Variants in EPS15 observed in about 807,000 individuals in gnomAD.
EPS15 encodes epidermal growth factor receptor pathway substrate 15.
In EPS15, 72 loss-of-function variants were observed where a neutral mutation model predicts 113.8. The ratio of observed to expected loss-of-function variants is 0.63; its 90% confidence interval spans 0.52 to 0.77. The LOEUF (loss-of-function observed/expected upper bound fraction) is 0.77. Among genes scored for constraint, EPS15 ranks in the 30% least tolerant of loss-of-function variants. The probability of loss-of-function intolerance (pLI) is 0.00; values close to 1 mark genes in which losing one functional copy is unlikely to be tolerated. For synonymous variants in EPS15, 344 were observed against 363.4 expected (o/e 0.95, Z 0.61); for missense variants, 1,048 against 1,045.8 (o/e 1.00, Z -0.03).
intron 12 of EPS15, chr1:51,422,146 T>G: frequency 1.3e-6 from 1 of 744,154 alleles, no homozygotes. Context: ...GTTTCACTGA[T>G]GTCACTGTTG....
rs556383680 is a variant in EPS15 at position 51,423,715 on chromosome 1, T to C, written c.1041-1857A>G. The C allele has an allele frequency of 1.0e-5, 10 of 985,396 alleles. No homozygotes were observed. The Admixed American group carries it at 5.5e-4, about 54-fold the overall frequency. The allele number at this position is 985,396 out of a possible 1,614,324, so 61.0% of individuals were successfully genotyped here. A position where few individuals can be genotyped will look rare whatever the true frequency, so the allele number is the denominator to read the frequency against. On this transcript the variant is annotated intron_variant, in intron 12 of 24. Coordinates refer to ENST00000371733, the MANE Select transcript of EPS15 (RefSeq NM_001981.3). ...ACTGACAGTGTCTGCTCAGATCAAG[T>C]GTGCATGCAGGAAAACAGGGCTACA... is the stretch of plus-strand genomic sequence containing the variant.
intron 12 of EPS15, among the ~76,000 whole-genome samples, chr1:51,436,477 G>A (rs1652160590): frequency 6.6e-6 from 1 of 152,014 alleles, no homozygotes; most frequent in Non-Finnish European, 1.5e-5. Flanking sequence ...TAAACACTAG[G>A]GATACAAGCA....
At chr1:51,434,747 C>T (rs1232578976) in intron 12 of EPS15, among the ~76,000 whole-genome samples, 2 of 152,214 alleles carry the variant, frequency 1.3e-5, no homozygotes, top group African/African-American at 4.8e-5. Flanking sequence ...TCTCGGCTCA[C>T]CGTAACCTCC....
In EPS15 at chr1:51,458,978, C is replaced by T. The variant is rs1570351872; in HGVS notation, c.561+2113G>A. The stretch of plus-strand genomic sequence containing the variant: ...ACTGAGATAACTTTTGTCACCACCG[C>T]GAGGGAGTATCCTTTACCATTTCCC... On this transcript the variant is annotated intron_variant, in intron 8 of 24. Transcript: ENST00000371733. 2.6e-5 allele frequency: 4 copies of T among 153,328 alleles called. No homozygotes were observed. In the South Asian group the frequency reaches 5.9e-4, roughly 23 times the overall value. The allele number at this position is 153,328 out of a possible 1,614,324, so 9.5% of individuals were successfully genotyped here. A position where few individuals can be genotyped will look rare whatever the true frequency, so the allele number is the denominator to read the frequency against.
rs771240637 is a variant in EPS15, at chr1:51,445,023, A to G, written c.820T>C (p.Cys274Arg). Residue 274 changes from cysteine to arginine, a missense_variant, in exon 11 of 25, where the codon TGT (cysteine) becomes CGT (arginine). Transcript: ENST00000371733. Reference sequence around the variant, plus strand: ...AACTGATCCTTTGAAAGCTTCCCACAGTCCTTTGTGTCGCATAATGACCTG... The same window carrying G: ...AACTGATCCTTTGAAAGCTTCCCACGGTCCTTTGTGTCGCATAATGACCTG... ...HIWSLCDTKD[C>R]GKLSKDQFAL... The G allele has an allele frequency of 1.3e-5, 21 of 1,613,886 alleles. No homozygotes were observed. The East Asian group carries it at 3.1e-4, about 24-fold the overall frequency.
chr1:51,400,891 TA>T, intron 19 of EPS15, 26 bp downstream of exon 19: 2 of 1,501,946 alleles, frequency 1.3e-6, no homozygotes, highest in Non-Finnish European at 1.8e-6. Context: ...GAATGAAAGC[TA>T]AGATGAAACT....
intron 12 of EPS15, among the ~76,000 whole-genome samples, chr1:51,426,552 G>A (rs1651213283): frequency 6.6e-6 from 1 of 151,250 alleles, no homozygotes; most frequent in Non-Finnish European, 1.5e-5. Context: ...TTACTGTGAA[G>A]GTATTTTTTA....
At chr1:51,403,979 C>T (rs1236364873) in intron 16 of EPS15, among the ~76,000 whole-genome samples, 1 of 152,090 alleles carries the variant, frequency 6.6e-6, no homozygotes, top group Non-Finnish European at 1.5e-5. Flanking sequence ...TGATCGTGAC[C>T]CTTCTGGTTA....
intron 21 of EPS15, among the ~76,000 whole-genome samples, chr1:51,391,614 CAAG>C (rs939424451): frequency 3.3e-5 from 5 of 152,058 alleles, no homozygotes; most frequent in Non-Finnish European, 5.9e-5. Flanking sequence ...TGAGCAGCAG[CAAG>C]AAGACCAGTG....
intron 1 of EPS15, among the ~76,000 whole-genome samples, chr1:51,493,656 T>C (rs959904124): frequency 1.1e-4 from 16 of 151,434 alleles, no homozygotes; most frequent in African/African-American, 3.9e-4. Flanking sequence ...TCTCCCTCTG[T>C]CGCCCAGGCT....
intron 2 of EPS15, among the ~76,000 whole-genome samples, chr1:51,474,328 A>C (rs1489732357): frequency 6.6e-6 from 1 of 152,242 alleles, no homozygotes; most frequent in Non-Finnish European, 1.5e-5. Flanking sequence ...AGACATACAT[A>C]GTCTGAATTA....
chr1:51,400,370 A>G (rs146669292), intron 19 of EPS15, among the ~76,000 whole-genome samples: 9 of 152,276 alleles, frequency 5.9e-5, no homozygotes, highest in African/African-American at 1.4e-4. Flanking sequence ...TTAAAGCACC[A>G]AAGTCTAAAC....
chr1:51,406,122 G>C lies in EPS15; in HGVS notation c.1474-14C>G, dbSNP rs1046629613. 1.8e-5 allele frequency: 29 copies of C among 1,607,376 alleles called. No homozygotes were observed. The highest frequency in any genetic ancestry group is 2.5e-5 in the Non-Finnish European group (29 of 1,175,702). Reference sequence around the variant, plus strand: ...TTTCATTTGCATCTGCCAACACAAAGAAGAAATATAGAACAGAATTTATTA... The same window carrying C: ...TTTCATTTGCATCTGCCAACACAAACAAGAAATATAGAACAGAATTTATTA... On this transcript the variant is annotated splice_polypyrimidine_tract_variant and intron_variant, in intron 15 of 24. Coordinates refer to ENST00000371733, the MANE Select transcript of EPS15 (RefSeq NM_001981.3).
chr1:51,437,219 A>G (rs1434585397), intron 12 of EPS15, among the ~76,000 whole-genome samples: 1 of 152,174 alleles, frequency 6.6e-6, no homozygotes, highest in Admixed American at 6.5e-5. Context: ...GACCAATAAC[A>G]AAGAACATTC....
In EPS15 at chr1:51,463,728, T is replaced by C; in HGVS notation, c.446A>G (p.Asp149Gly). 6.2e-7 allele frequency: 1 copy of C among 1,601,982 alleles called. No homozygotes were observed. The change falls in exon 7 of 25, where the codon GAT (aspartate) becomes GGT (glycine). Residue 149 changes from aspartate (D) to glycine (G), a missense_variant. By Grantham distance (94) the Asp-to-Gly change is moderately conservative. Coordinates refer to ENST00000371733, the MANE Select transcript of EPS15 (RefSeq NM_001981.3). ...LSPVNGFLSG[D>G]KVKPVLLNSK... ...GTTGAGCAACACTGGTTTCACTTTA[T>C]CACCAGACAGAAATCCATTCACTGG...
chr1:51,367,888 T>C (rs959462291), intron 21 of EPS15, among the ~76,000 whole-genome samples: 9 of 152,160 alleles, frequency 5.9e-5, no homozygotes, highest in African/African-American at 2.2e-4. Flanking sequence ...TCCCGGCACT[T>C]TGGGAGGCCG....
chr1:51,483,398 A>AGTGTGTGTGTGTGTGT (rs58892404), intron 1 of EPS15, among the ~76,000 whole-genome samples: 1 of 141,694 alleles, frequency 7.1e-6, no homozygotes, highest in African/African-American at 2.6e-5. Context: ...CAAGACTGCA[A>AGTGTGTGTGTGTGTGT]GTGTGTGTGT....
intron 21 of EPS15, among the ~76,000 whole-genome samples, chr1:51,367,054 C>T (rs951700689): frequency 2.0e-5 from 3 of 152,106 alleles, no homozygotes; most frequent in African/African-American, 7.2e-5. Flanking sequence ...AATAATAAAA[C>T]AGTCTTATAT....
intron 1 of EPS15, among the ~76,000 whole-genome samples, chr1:51,518,659 TG>T (rs1294053955): frequency 2.0e-5 from 3 of 152,076 alleles, no homozygotes; most frequent in Non-Finnish European, 4.4e-5. Context: ...CGTCGGACCC[TG>T]GGAGAAAGGC....
Sources: allele counts gnomAD v4.1 joint callset (sites outside exome capture counted in the v4.1 genomes callset), GRCh38; gene constraint gnomAD v4.1.1; transcripts MANE v1.5; gene names NCBI Gene and HGNC (gene_info 2026-07-23, HGNC 2026-07-21).